The following POLR3B variants were observed in gnomAD, a reference collection of about 807,000 sequenced individuals.
The protein encoded by POLR3B is DNA-directed RNA polymerase III subunit RPC2.
In POLR3B, 96 loss-of-function variants were observed where a neutral mutation model predicts 147.4. The observed-to-expected ratio is 0.65, with a 90% confidence interval of 0.55 to 0.77. The LOEUF is 0.77. Ranked by LOEUF, POLR3B falls within the 30% of genes least tolerant of loss-of-function variation. POLR3B has a pLI of 0.00. For synonymous variants in POLR3B, 461 were observed against 485.9 expected, an observed-to-expected ratio of 0.95 and a Z score of 0.67; for missense variants, 1,036 against 1,413.5, an observed-to-expected ratio of 0.73 and a Z score of 4.28.
In POLR3B at chr12:106,463,585, T is replaced by G; in HGVS notation, c.2678T>G (p.Ile893Ser). The change falls in exon 23 of 28, where the codon ATT (isoleucine) becomes AGT (serine). Residue 893 changes from isoleucine to serine, a missense_variant. Physicochemically the swap from Ile to Ser is moderately radical, Grantham distance 142. This residue lies in a region of POLR3B where 202 missense variants were observed against 272.8 expected (regional missense o/e 0.74). Coordinates refer to ENST00000228347, the MANE Select transcript of POLR3B (RefSeq NM_018082.6). The part of the protein sequence containing the change: ...MLLRQTRRPE[I>S]GDKFSSRHGQ... ...CTGAGACAGACAAGGCGTCCAGAAA[T>G]TGGAGACAAATTCAGCAGTCGTCAT... The G allele has an allele frequency of 6.2e-7, 1 of 1,613,784 alleles. No individual in the cohort carries two copies. The highest frequency in any genetic ancestry group is 1.1e-5 in the South Asian group (1 of 91,080).
chr12:106,380,227 T>C, intron 9 of POLR3B, 88 bp downstream of exon 9: 278 of 682,766 alleles, frequency 4.1e-4, no homozygotes, highest in Non-Finnish European at 6.0e-4. Context: ...GGGTAAGGAA[T>C]TCTTGGAATA....
At chr12:106,496,999 A>G (rs2038499137) in intron 25 of POLR3B, 81 bp downstream of exon 25, 4 of 1,380,186 alleles carry the variant, frequency 2.9e-6, no homozygotes, top group African/African-American at 1.4e-5. Flanking sequence ...GGTATACTCT[A>G]TTAAGTATAC....
chr12:106,450,191 G>A lies in POLR3B; in HGVS notation c.2084-4311G>A, dbSNP rs540119209. Among the ~76,000 whole-genome samples the A allele has an allele frequency of 3.3e-5, 5 of 152,148 alleles. No individual in the cohort carries two copies. The South Asian group carries it at 8.3e-4, about 25-fold the overall frequency. On this transcript the variant is annotated intron_variant, in intron 19 of 27. Transcript: ENST00000228347. ...TATCTGTATACTTATATGGAAAAAA[G>A]GAACATTAGCTCCTACCTCATAGCA...
chr12:106,471,531 C>G (rs770858060), intron 23 of POLR3B, among the ~76,000 whole-genome samples: 3 of 152,036 alleles, frequency 2.0e-5, no homozygotes, highest in Non-Finnish European at 2.9e-5. Flanking sequence ...ATGCAGAAAT[C>G]CCCTGTCTTC....
At chr12:106,477,751 G>A (rs2038196797) in intron 23 of POLR3B, among the ~76,000 whole-genome samples, 1 of 152,056 alleles carries the variant, frequency 6.6e-6, no homozygotes, top group Non-Finnish European at 1.5e-5. Flanking sequence ...CCACTGGCCT[G>A]CGCCCACTGT....
chr12:106,401,344 C>T (rs552880842), intron 10 of POLR3B, among the ~76,000 whole-genome samples: 1 of 152,082 alleles, frequency 6.6e-6, no homozygotes, highest in Non-Finnish European at 1.5e-5. Flanking sequence ...AGCTTACCAA[C>T]TAAAAAAAGT....
chr12:106,377,153 A>T (rs1387627262), intron 7 of POLR3B, among the ~76,000 whole-genome samples: 1 of 152,200 alleles, frequency 6.6e-6, no homozygotes, highest in Non-Finnish European at 1.5e-5. Flanking sequence ...GGGAGATGAA[A>T]GTATTTTTTT....
chr12:106,406,054 C>T, intron 11 of POLR3B, 78 bp downstream of exon 11: 3 of 1,510,944 alleles, frequency 2.0e-6, no homozygotes, highest in Non-Finnish European at 2.8e-6. Context: ...TAAGAGTTTA[C>T]CTTATTTAAA....
chr12:106,500,220 T>G (rs764821007), intron 25 of POLR3B: 8 of 454,250 alleles, frequency 1.8e-5, no homozygotes, highest in Non-Finnish European at 3.1e-5. Context: ...AAAAAAAAAT[T>G]TTTTAAGACA....
In POLR3B at chr12:106,369,300, C is replaced by A; in HGVS notation, c.253C>A (p.Pro85Thr). The A allele has an allele frequency of 6.3e-7, 1 of 1,598,608 alleles. No individual in the cohort carries two copies. Residue 85 changes from proline (P) to threonine (T), a missense_variant, in exon 5 of 28, where the codon CCT (proline) becomes ACT (threonine). Physicochemically the swap from Pro to Thr is conservative, Grantham distance 38. Transcript: ENST00000228347. ...ATATCTTAATATCTATGTTGGGCTT[C>A]CTGATGTTGAAGAAAGCTTCAATGT... ...LKYLNIYVGL[P>T]DVEESFNVTR...
chr12:106,399,202 G>T (rs577190509), intron 10 of POLR3B, among the ~76,000 whole-genome samples: 1 of 152,032 alleles, frequency 6.6e-6, no homozygotes, highest in South Asian at 2.1e-4. Flanking sequence ...CTCAGTAGCC[G>T]ATGCAACTGG....
chr12:106,499,218 C>G (rs2038554641), intron 25 of POLR3B, among the ~76,000 whole-genome samples: 1 of 152,072 alleles, frequency 6.6e-6, no homozygotes, highest in African/African-American at 2.4e-5. Context: ...ACTTCTCCAC[C>G]CAGAAATAAG....
At chr12:106,358,136 G>A (rs1183496320) in intron 1 of POLR3B, 185 bp downstream of exon 1, 2 of 897,588 alleles carry the variant, frequency 2.2e-6, no homozygotes, top group Non-Finnish European at 3.0e-6. Flanking sequence ...GTGCGCGAGT[G>A]AAGGCTGATC....
chr12:106,403,342 A>G (rs1387488983), intron 10 of POLR3B, among the ~76,000 whole-genome samples: 4 of 150,250 alleles, frequency 2.7e-5, no homozygotes, highest in African/African-American at 9.8e-5. Context: ...AGAAATAGGA[A>G]CACTTTTACA....
chr12:106,376,501 C>T, intron 7 of POLR3B, 51 bp downstream of exon 7: 1 of 1,237,236 alleles, frequency 8.1e-7, no homozygotes, highest in East Asian at 2.3e-5. Context: ...TTTTATTCTG[C>T]TGCTGCTGTG....
In POLR3B at chr12:106,380,145, G is replaced by A. The variant is rs950057310; in HGVS notation, c.723+6G>A. 7.1e-7 allele frequency: 1 copy of A among 1,418,216 alleles called. No homozygotes were observed. Among genetic ancestry groups the A allele is most frequent in the African/African-American group, 1.4e-5 (1 of 71,260 alleles). The allele number at this position is 1,418,216 out of a possible 1,614,324, so 87.9% of individuals were successfully genotyped here. The stretch of plus-strand genomic sequence containing the variant: ...CCATTGTCATCATATTTAAGGTAAA[G>A]CTGCAGCTCTCTTCTGAAAATTGTA... On this transcript the variant is annotated splice_donor_region_variant and intron_variant, in intron 9 of 27. Coordinates refer to ENST00000228347, the MANE Select transcript of POLR3B (RefSeq NM_018082.6).
intron 9 of POLR3B, among the ~76,000 whole-genome samples, chr12:106,385,990 T>C (rs2036830573): frequency 6.6e-6 from 1 of 152,214 alleles, no homozygotes; most frequent in Non-Finnish European, 1.5e-5. Flanking sequence ...TTGACTTTTC[T>C]TGTAGGGATC....
In POLR3B at chr12:106,459,368, C is replaced by T. The variant is rs777896021; in HGVS notation, c.2570C>T (p.Thr857Ile). 8.5e-6 allele frequency: 12 copies of T among 1,411,266 alleles called. No homozygotes were observed. Among genetic ancestry groups the T allele is most frequent in the South Asian group, 1.1e-5 (1 of 87,204 alleles). 87.4% of individuals were successfully genotyped at this position (1,411,266 alleles called of 1,614,324 possible). ...CCACAGTACAAAGATGTACCCATAA[C>T]GTATGTATTGGTTGTGCCCTGGTAA... ...QQPQYKDVPI[T>I]YKGATDSYIE... Residue 857 changes from threonine (T) to isoleucine (I), a missense_variant and splice_region_variant, in exon 22 of 28, where the codon ACC becomes ATC. This residue lies in a region of POLR3B where 202 missense variants were observed against 272.8 expected (regional missense o/e 0.74). Coordinates refer to ENST00000228347, the MANE Select transcript of POLR3B (RefSeq NM_018082.6).
At chr12:106,456,272 G>GT (rs1027985720) in intron 20 of POLR3B, among the ~76,000 whole-genome samples, 3 of 151,986 alleles carry the variant, frequency 2.0e-5, no homozygotes, top group African/African-American at 2.4e-5. Context: ...CAGTGGTTGA[G>GT]TTTTTTTGCC....
Sources: allele counts gnomAD v4.1 joint callset (sites outside exome capture counted in the v4.1 genomes callset), GRCh38; gene constraint gnomAD v4.1.1; regional missense constraint gnomAD v4.1.1; transcripts MANE v1.5; gene names NCBI Gene and HGNC (gene_info 2026-07-23, HGNC 2026-07-21).